Variants in N4BP2L2 observed in about 807,000 individuals in gnomAD.
N4BP2L2 encodes the protein NEDD4-binding protein 2-like 2.
N4BP2L2 carries 50 observed loss-of-function variants against 56.2 expected under a neutral mutation model. That is an observed-to-expected ratio of 0.89 (90% CI 0.71 to 1.13). The LOEUF (loss-of-function observed/expected upper bound fraction) is 1.13, where lower values mean the gene tolerates loss of function less well. Among genes scored for constraint, N4BP2L2 ranks in the 50% most tolerant of loss-of-function variants. N4BP2L2 has a pLI of 0.00. For synonymous variants in N4BP2L2, 203 were observed against 223.6 expected (o/e 0.91, Z 0.82); for missense variants, 689 against 693.8 (o/e 0.99, Z 0.08).
chr13:32,481,110 C>A, intron 6 of N4BP2L2, among the ~76,000 whole-genome samples: 1 of 88,528 alleles, frequency 1.1e-5, no homozygotes, highest in Non-Finnish European at 1.8e-5. Context: ...CAGAGTGAGA[C>A]TCTGTCTCAA....
At chr13:32,471,981 C>T (rs1041746736) in intron 6 of N4BP2L2, among the ~76,000 whole-genome samples, 2 of 152,190 alleles carry the variant, frequency 1.3e-5, no homozygotes, top group Non-Finnish European at 2.9e-5. Context: ...AACATTTAAC[C>T]TGAATTTAAT....
At chr13:32,466,629 C>G (rs1424258818) in intron 6 of N4BP2L2, among the ~76,000 whole-genome samples, 1 of 152,008 alleles carries the variant, frequency 6.6e-6, no homozygotes, top group Non-Finnish European at 1.5e-5. Context: ...AAGCCTAAAC[C>G]CTATATTGTT....
At chr13:32,466,426 G>A (rs1241476722) in intron 6 of N4BP2L2, among the ~76,000 whole-genome samples, 1 of 151,908 alleles carries the variant, frequency 6.6e-6, no homozygotes, top group Non-Finnish European at 1.5e-5. Flanking sequence ...AATTAGTTGG[G>A]CATAGTAACA....
chr13:32,468,268 C>CAAAAA (rs59875338), intron 6 of N4BP2L2, among the ~76,000 whole-genome samples: 1 of 103,998 alleles, frequency 9.6e-6, no homozygotes. Context: ...CAAAAAGAGA[C>CAAAAA]AAAAAAAAAA....
chr13:32,514,113 C>T (rs1181020683), exon 6 of N4BP2L2: 1 of 152,042 alleles, frequency 6.6e-6, no homozygotes, highest in Non-Finnish European at 1.5e-5. Flanking sequence ...ACTTAAATCA[C>T]CCACTCCAAC....
At chr13:32,484,482 G>T (rs2085447845) in intron 6 of N4BP2L2, among the ~76,000 whole-genome samples, 2 of 151,906 alleles carry the variant, frequency 1.3e-5, no homozygotes, top group Admixed American at 1.3e-4. Flanking sequence ...ATCTAGGGTA[G>T]GTTTTTTTTT....
intron 6 of N4BP2L2, chr13:32,480,513 C>CT (rs1386440981): frequency 3.5e-6 from 3 of 849,990 alleles, no homozygotes; most frequent in South Asian, 3.0e-5. Context: ...AATAAAGAGA[C>CT]TTTTTTCTAC....
intron 6 of N4BP2L2, among the ~76,000 whole-genome samples, chr13:32,496,821 CCTCTCA>C: frequency 6.6e-6 from 1 of 152,214 alleles, no homozygotes; most frequent in Non-Finnish European, 1.5e-5. Context: ...CTCCAGCTTT[CCTCTCA>C]CTCTAACTGC....
exon 1 of N4BP2L2, chr13:32,538,695 G>A (rs2057251332): frequency 1.0e-6 from 1 of 985,488 alleles, no homozygotes; most frequent in Non-Finnish European, 1.2e-6. Flanking sequence ...CTGTGAAGGT[G>A]AAAGAAAAGC....
chr13:32,538,759 T>G lies in N4BP2L2; in HGVS notation c.-142A>C. On this transcript the variant is annotated 5_prime_UTR_variant, in exon 1 of 6. Coordinates refer to ENST00000267068, the Ensembl canonical transcript of N4BP2L2. ...GGGACTAAAAGCCCACCTCTCAGAA[T>G]CGCGGTAACAAACCTCACCTCCGTA... is the stretch of plus-strand genomic sequence containing the variant. 3.0e-6 allele frequency: 3 copies of G among 985,402 alleles called. No homozygotes were observed. The South Asian group carries it at 1.4e-4, about 46-fold the overall frequency. 61.0% of individuals were successfully genotyped at this position (985,402 alleles called of 1,614,324 possible).
chr13:32,488,367 T>C (rs895693324), intron 6 of N4BP2L2, among the ~76,000 whole-genome samples: 9 of 151,998 alleles, frequency 5.9e-5, no homozygotes, highest in Non-Finnish European at 1.3e-4. Flanking sequence ...TGGGCACACA[T>C]AGATATAAAT....
At chr13:32,440,637 A>G (rs747473397) in intron 7 of N4BP2L2, among the ~76,000 whole-genome samples, 12 of 151,822 alleles carry the variant, frequency 7.9e-5, no homozygotes, top group Non-Finnish European at 1.8e-4. Context: ...TAATTTTTGT[A>G]TTTTTAGTAG....
intron 7 of N4BP2L2, chr13:32,438,863 C>T (rs968419973): frequency 9.4e-6 from 6 of 638,396 alleles, no homozygotes; most frequent in African/African-American, 3.7e-5. Context: ...AAAGATATTT[C>T]GGTGATGTCT....
intron 6 of N4BP2L2, among the ~76,000 whole-genome samples, chr13:32,467,586 G>T (rs1364812902): frequency 6.6e-6 from 1 of 151,378 alleles, no homozygotes; most frequent in Non-Finnish European, 1.5e-5. Context: ...CCAACAGAGG[G>T]CACTATTCTA....
At chr13:32,455,619 G>A (rs1566050063) in intron 6 of N4BP2L2, among the ~76,000 whole-genome samples, 1 of 152,084 alleles carries the variant, frequency 6.6e-6, no homozygotes, top group African/African-American at 2.4e-5. Flanking sequence ...ATTCCACCAG[G>A]GGCCTGGGGC....
intron 6 of N4BP2L2, among the ~76,000 whole-genome samples, chr13:32,470,372 G>A (rs1028921895): frequency 3.3e-5 from 5 of 152,180 alleles, no homozygotes; most frequent in African/African-American, 9.6e-5. Flanking sequence ...CCTCTTGCCT[G>A]GGATTGGGAT....
At chr13:32,525,440 G>A (rs1403591556) in intron 3 of N4BP2L2, 1 of 152,038 alleles carries the variant, frequency 6.6e-6, no homozygotes, top group Non-Finnish European at 1.5e-5. Context: ...CTTTTAACTC[G>A]AAACCATCCT....
At chr13:32,538,365 T>C (rs1208241676) in intron 1 of N4BP2L2, among the ~76,000 whole-genome samples, 1 of 152,060 alleles carries the variant, frequency 6.6e-6, no homozygotes, top group Non-Finnish European at 1.5e-5. Flanking sequence ...CCGCGTGATC[T>C]ATACACTATC....
intron 7 of N4BP2L2, among the ~76,000 whole-genome samples, chr13:32,439,155 A>G (rs2075887656): frequency 6.6e-6 from 1 of 152,204 alleles, no homozygotes; most frequent in Non-Finnish European, 1.5e-5. Flanking sequence ...TCCACATGTA[A>G]GGCATTCCAG....
Sources: gnomAD v4.1 joint callset for allele counts (sites outside exome capture counted in the v4.1 genomes callset) on GRCh38, gnomAD v4.1.1 for gene constraint, MANE v1.5 for transcripts, NCBI Gene and HGNC (gene_info 2026-07-23, HGNC 2026-07-21) for gene names.